The following MROH1 variants were observed in gnomAD, a reference collection of about 807,000 sequenced individuals.
MROH1 encodes maestro heat like repeat family member 1.
MROH1 carries 117 observed loss-of-function variants against 116.5 expected under a neutral mutation model. The observed-to-expected ratio is 1.00, with a 90% CI of 0.86 to 1.17. The LOEUF is 1.17. MROH1 is among the 50% of genes most tolerant of loss of function. MROH1 has a pLI of 0.00. For synonymous variants in MROH1, 921 were observed against 583.9 expected, an observed-to-expected ratio of 1.58 and a Z score of -8.32; for missense variants, 1,873 against 1,338.5, an observed-to-expected ratio of 1.40 and a Z score of -6.23.
intron 4 of MROH1, among the ~76,000 whole-genome samples, chr8:144,172,680 A>T (rs981944482): frequency 2.0e-5 from 3 of 152,070 alleles, no homozygotes; most frequent in Non-Finnish European, 4.4e-5. Context: ...AGGTGCTGGG[A>T]TTACAGGTGC....
At chr8:144,259,811 A>C (rs1274466497) in intron 37 of MROH1, 100 bp from the exon 38 acceptor site, 18 of 703,812 alleles carry the variant, frequency 2.6e-5, no homozygotes, top group Non-Finnish European at 4.4e-5. Context: ...TCTGTCTGCC[A>C]CACCGGCGTG....
intron 8 of MROH1, 33 bp downstream of exon 8, chr8:144,190,968 A>T: frequency 2.5e-6 from 4 of 1,582,680 alleles, no homozygotes; most frequent in Non-Finnish European, 3.4e-6. Context: ...TCCACGCCTG[A>T]TGCCAGGGCT....
chr8:144,181,058 G>A (rs959706059), intron 7 of MROH1, among the ~76,000 whole-genome samples: 1 of 152,134 alleles, frequency 6.6e-6, no homozygotes, highest in Non-Finnish European at 1.5e-5. Flanking sequence ...GGGCATTTCT[G>A]TTAGAAGGGG....
chr8:144,242,819 G>A (rs1333772218), intron 24 of MROH1, among the ~76,000 whole-genome samples, 191 bp downstream of exon 24: 12 of 152,200 alleles, frequency 7.9e-5, no homozygotes, highest in African/African-American at 2.7e-4. Flanking sequence ...GGACGGCAGT[G>A]GGAAGAAGGG....
chr8:144,253,008 G>T (rs1171481212), intron 33 of MROH1, among the ~76,000 whole-genome samples: 12 of 147,716 alleles, frequency 8.1e-5, no homozygotes, highest in African/African-American at 3.0e-4. Flanking sequence ...ATATGAATTA[G>T]CTAGGCGTGG....
Position 144,250,392 on chromosome 8 carries a change from G to A in MROH1, c.3428+26G>A, listed in dbSNP as rs1369396709. 6.7e-6 allele frequency: 5 copies of A among 747,066 alleles called. No homozygotes were observed. The East Asian group carries it at 1.3e-4, about 19-fold the overall frequency. 46.3% of individuals were successfully genotyped at this position (747,066 alleles called of 1,614,324 possible). ...GTACCCAGCTCAGACTCCAGGCTTA[G>A]GGGTCCCTCTGGAATGATGCTCCCC... On this transcript the variant is annotated intron_variant, in intron 33 of 43. Transcript: ENST00000326134.
At chr8:144,172,286 C>T (rs560329343) in intron 4 of MROH1, among the ~76,000 whole-genome samples, 1 of 152,332 alleles carries the variant, frequency 6.6e-6, no homozygotes, top group South Asian at 2.1e-4. Context: ...TATCTATTAT[C>T]TCTGAAGGCT....
rs1844782650 is a variant in MROH1 at position 144,260,326 on chromosome 8, C to T, written c.4332C>T (p.Arg1444=). Residue 1444 remains arginine, a synonymous_variant, in exon 39 of 44, where the codon CGC becomes CGT. Transcript: ENST00000326134. ...ACCTGGTGGAGTCCTGGGACCTGCG[C>T]TCAGGGCTGCTGCACGTGGCCATCC... ...LVHLVESWDL[R]SGLLHVAIRI... The T allele has an allele frequency of 8.1e-6, 6 of 741,772 alleles. No homozygotes were observed. The highest frequency in any genetic ancestry group is 1.8e-5 in the Admixed American group (1 of 54,564). 45.9% of individuals were successfully genotyped at this position (741,772 alleles called of 1,614,324 possible).
At chr8:144,172,319 G>C (rs368163545) in intron 4 of MROH1, among the ~76,000 whole-genome samples, 1 of 151,992 alleles carries the variant, frequency 6.6e-6, no homozygotes, top group South Asian at 2.1e-4. Flanking sequence ...CTTCATCTAC[G>C]TAACAAGAAC....
At chr8:144,206,210 C>T (rs1234662926) in intron 12 of MROH1, among the ~76,000 whole-genome samples, 5 of 152,202 alleles carry the variant, frequency 3.3e-5, no homozygotes, top group Admixed American at 2.0e-4. Context: ...CCCGGCCCAC[C>T]GTTATGACTT....
At chr8:144,204,142 G>C (rs1832324084) in intron 12 of MROH1, among the ~76,000 whole-genome samples, 1 of 152,130 alleles carries the variant, frequency 6.6e-6, no homozygotes, top group Admixed American at 6.6e-5. Context: ...ACAGGGTCTC[G>C]TTCTTTCACC....
rs1467536028 is a variant in MROH1 at position 144,200,519 on chromosome 8, C to G, written c.1119C>G (p.Val373=). 3 of 1,551,102 alleles carry G rather than the reference C, an allele frequency of 1.9e-6. 1 individual carries two copies. The South Asian group carries it at 3.6e-5, about 18-fold the overall frequency. Residue 373 remains valine (V), a synonymous_variant, in exon 12 of 44, where the codon GTC becomes GTG. Coordinates refer to ENST00000326134, the MANE Select transcript of MROH1 (RefSeq NM_032450.3). Reference sequence around the variant, plus strand: ...CCCGCGTGGGCACCCTGCAGGTGGTCAGACATGTCATCAACTCAGCTGGTG... The same window carrying G: ...CCCGCGTGGGCACCCTGCAGGTGGTGAGACATGTCATCAACTCAGCTGGTG... ...ERTRVGTLQV[V]RHVINSAAAQ...
intron 33 of MROH1, chr8:144,250,762 A>C (rs1842722689): frequency 2.7e-6 from 1 of 367,266 alleles, no homozygotes; most frequent in African/African-American, 2.1e-5. Context: ...CAGGGCATCC[A>C]CTGCTGCCTG....
chr8:144,205,454 G>C (rs1013428706), intron 12 of MROH1, among the ~76,000 whole-genome samples: 1 of 151,396 alleles, frequency 6.6e-6, no homozygotes, highest in East Asian at 1.9e-4. Context: ...TATATGATTT[G>C]GTCTTTTCTG....
At chr8:144,191,510 C>T (rs1828584011) in intron 8 of MROH1, among the ~76,000 whole-genome samples, 1 of 152,178 alleles carries the variant, frequency 6.6e-6, no homozygotes, top group Admixed American at 6.5e-5. Context: ...GCATCTCCTA[C>T]AAACCCCCTG....
chr8:144,245,110 A>C (rs1270890825), intron 28 of MROH1, 46 bp from the exon 29 acceptor site: 1 of 778,194 alleles, frequency 1.3e-6, no homozygotes, highest in African/African-American at 1.7e-5. Context: ...TCCTGCCCCC[A>C]GGGCTGCCCT....
Position 144,250,321 on chromosome 8 carries a change from C to A in MROH1, c.3383C>A (p.Ala1128Glu). The part of the protein sequence containing the change: ...SVYLLATQHC[A>E]AVVSSLLGSP... ...TACCTCCTGGCCACCCAGCACTGCG[C>A]AGCCGTGGTGTCCAGCCTCCTGGGC... The change falls in exon 33 of 44, where the codon GCA becomes GAA. Residue 1128 changes from alanine to glutamate, a missense_variant. Ala to Glu is a moderately radical substitution (Grantham distance 107, BLOSUM62 -1). Transcript: ENST00000326134. 1 of 768,126 alleles carries A rather than the reference C, an allele frequency of 1.3e-6. No individual in the cohort carries two copies. Among genetic ancestry groups the A allele is most frequent in the South Asian group, 1.4e-5 (1 of 73,114 alleles). The allele number at this position is 768,126 out of a possible 1,614,324, so 47.6% of individuals were successfully genotyped here.
chr8:144,223,110 G>A lies in MROH1; in HGVS notation c.1218G>A (p.Val406=). The A allele has an allele frequency of 6.2e-7, 1 of 1,613,344 alleles. No homozygotes were observed. The highest frequency in any genetic ancestry group is 2.2e-5 in the East Asian group (1 of 44,880). Residue 406 remains valine, a splice_region_variant and synonymous_variant, in exon 14 of 44, where the codon GTG becomes GTA. Coordinates refer to ENST00000326134, the MANE Select transcript of MROH1 (RefSeq NM_032450.3). ...RLPLLDTNSK[V]KRAVVQVISA... ...TCTCCCATTTGTTCTCTGGGCAGGT[G>A]AAGCGGGCAGTGGTGCAGGTGATTA...
intron 4 of MROH1, among the ~76,000 whole-genome samples, chr8:144,178,663 G>A (rs1370375613): frequency 1.3e-5 from 2 of 152,254 alleles, no homozygotes; most frequent in African/African-American, 2.4e-5. Context: ...GTTGCCTGGT[G>A]CAGGCTGCTC....
Sources: allele counts gnomAD v4.1 joint callset (sites outside exome capture counted in the v4.1 genomes callset), GRCh38; gene constraint gnomAD v4.1.1; transcripts MANE v1.5; gene names NCBI Gene and HGNC (gene_info 2026-07-23, HGNC 2026-07-21).